SLC16A2: variants seen among roughly 807,000 people sequenced by gnomAD.
The protein encoded by SLC16A2 is monocarboxylate transporter 8.
A neutral mutation model predicts 27.2 loss-of-function variants in SLC16A2; 3 were observed. That is an observed-to-expected ratio of 0.11 (90% CI 0.05 to 0.28). SLC16A2 has a LOEUF of 0.28. SLC16A2 is among the 10% of genes least tolerant of loss of function. SLC16A2 has a pLI of 1.00. For missense variants in SLC16A2, 295 were observed against 458.5 expected, an observed-to-expected ratio of 0.64 and a Z score of 3.26; for synonymous variants, 202 against 187.8, an observed-to-expected ratio of 1.08 and a Z score of -0.62.
intron 1 of SLC16A2, among the ~76,000 whole-genome samples, chrX:74,446,277 C>G (rs1489610545): frequency 9.0e-6 from 1 of 111,479 alleles, no homozygotes; most frequent in Non-Finnish European, 1.9e-5. Context: ...ATTTCTCACA[C>G]ATTGGTCCTG....
intron 1 of SLC16A2, among the ~76,000 whole-genome samples, chrX:74,515,843 T>A (rs1930309978): frequency 8.9e-6 from 1 of 111,863 alleles, no homozygotes; most frequent in African/African-American, 3.3e-5. Flanking sequence ...AGGAAATCAA[T>A]ACATTCTCAA....
At chrX:74,423,175 G>A (rs1335685580) in intron 1 of SLC16A2, among the ~76,000 whole-genome samples, 2 of 112,292 alleles carry the variant, frequency 1.8e-5, no homozygotes, top group Non-Finnish European at 3.8e-5. Context: ...GACGAAGACG[G>A]GGGATTGGGA....
At chrX:74,509,993 G>T (rs1161109317) in intron 1 of SLC16A2, among the ~76,000 whole-genome samples, 3 of 112,335 alleles carry the variant, frequency 2.7e-5, no homozygotes, top group Non-Finnish European at 5.6e-5. Context: ...TGGTGTCAGG[G>T]TAATACTGGC....
At chrX:74,435,551 ATATT>A (rs1196204619) in intron 1 of SLC16A2, among the ~76,000 whole-genome samples, 9 of 71,054 alleles carry the variant, frequency 1.3e-4, no homozygotes, top group East Asian at 9.0e-4. Flanking sequence ...ATATATATAT[ATATT>A]TTTTTTTTTT....
chrX:74,501,804 T>C (rs1192212703), intron 1 of SLC16A2, among the ~76,000 whole-genome samples: 1 of 111,220 alleles, frequency 9.0e-6, no homozygotes, highest in Non-Finnish European at 1.9e-5. Context: ...GAGTCCTGTG[T>C]TCAAGCACTA....
chrX:74,510,418 G>T (rs1257696955), intron 1 of SLC16A2, among the ~76,000 whole-genome samples: 3 of 111,863 alleles, frequency 2.7e-5, no homozygotes, highest in Non-Finnish European at 5.6e-5. Flanking sequence ...CCTGTAATCT[G>T]CCTTAGCTAC....
At position 74,533,160 on chromosome X, in the gene SLC16A2, G is replaced by C. The variant is rs1489288390; in HGVS notation, c.*1607G>C. ...AACAGTAACTTGCCACCTTAAGGCA[G>C]GGTCATCCCCGGGCCAGGAGGATGA... On this transcript the variant is annotated 3_prime_UTR_variant, in exon 6 of 6. Transcript: ENST00000587091. 1 of 112,300 alleles carries C rather than the reference G, an allele frequency of 8.9e-6. No homozygotes were observed. The allele number at this position is 112,300 out of a possible 1,213,427, so 9.3% of individuals were successfully genotyped here.
Position 74,421,710 on chromosome X carries a change from C to T in SLC16A2, c.73C>T (p.Pro25Ser), listed in dbSNP as rs1329741971. ...GGAGGCAGACCAGGAACAGCAGGAGCCGGTGGGTAGCCCAGAGCCGGAGTC... is the reference window on the plus strand; with the variant it reads ...GGAGGCAGACCAGGAACAGCAGGAGTCGGTGGGTAGCCCAGAGCCGGAGTC... ...WQEADQEQQE[P>S]VGSPEPESEP... The change falls in exon 1 of 6, where the codon CCG (proline) becomes TCG (serine). Residue 25 changes from proline to serine, a missense_variant. Physicochemically the swap from Pro to Ser is moderately conservative, Grantham distance 74 (BLOSUM62 -1). Around this residue, in one of 3 missense-constraint regions of SLC16A2, gnomAD observed 92 missense variants for 85.1 expected, o/e 1.08. Coordinates refer to ENST00000587091, the MANE Select transcript of SLC16A2 (RefSeq NM_006517.5). The T allele has an allele frequency of 1.7e-6, 2 of 1,183,719 alleles. No homozygotes were observed. Among genetic ancestry groups the T allele is most frequent in the Non-Finnish European group, 2.3e-6 (2 of 883,485 alleles).
rs77857388 is a variant in SLC16A2 at position 74,461,407 on chromosome X, A to T, written c.430+39340A>T. Reference sequence around the variant, plus strand: ...AAAGGAGAGAAAGGGAGAGAGAGAGAGTGTGTGTGTGTGTGTGTGTGTGCA... The same window carrying T: ...AAAGGAGAGAAAGGGAGAGAGAGAGTGTGTGTGTGTGTGTGTGTGTGTGCA... On this transcript the variant is annotated intron_variant, in intron 1 of 5. Coordinates refer to ENST00000587091, the MANE Select transcript of SLC16A2 (RefSeq NM_006517.5). Among the ~76,000 whole-genome samples, 174 of 103,814 alleles carry T rather than the reference A, an allele frequency of 1.7e-3. 1 individual carries two copies. Among genetic ancestry groups the T allele is most frequent in the East Asian group, 9.8e-3 (31 of 3,157 alleles). The allele number at this position is 103,814 out of a possible 115,157, so 90.1% of individuals were successfully genotyped here.
rs1046023615 is a variant in SLC16A2, at chrX:74,482,671, A to G, written c.431-38319A>G. Among the ~76,000 whole-genome samples, 4 of 110,816 alleles carry G rather than the reference A, an allele frequency of 3.6e-5. No homozygotes were observed. In the South Asian group the frequency reaches 1.5e-3, roughly 42 times the overall value. ...GATCTCTTTATTGATTTTCTATTTG[A>G]TGGAAAGAATTTCTCACAAATTCTT... On this transcript the variant is annotated intron_variant, in intron 1 of 5. Coordinates refer to ENST00000587091, the MANE Select transcript of SLC16A2 (RefSeq NM_006517.5).
intron 4 of SLC16A2, among the ~76,000 whole-genome samples, chrX:74,527,278 T>C (rs774431848): frequency 1.8e-5 from 2 of 112,684 alleles, no homozygotes; most frequent in Non-Finnish European, 3.7e-5. Flanking sequence ...TAGAACATTA[T>C]AGCTGAAACA....
At chrX:74,447,093 A>G (rs1252864815) in intron 1 of SLC16A2, among the ~76,000 whole-genome samples, 1 of 112,329 alleles carries the variant, frequency 8.9e-6, no homozygotes, top group East Asian at 2.8e-4. Flanking sequence ...TGTTTGCAAC[A>G]GAGAATGCAT....
intron 1 of SLC16A2, among the ~76,000 whole-genome samples, chrX:74,492,106 A>C (rs1929838167): frequency 8.9e-6 from 1 of 111,992 alleles, no homozygotes; most frequent in African/African-American, 3.3e-5. Context: ...TAAAAAGGCT[A>C]AACACAAGGT....
intron 1 of SLC16A2, among the ~76,000 whole-genome samples, chrX:74,441,015 T>A (rs2147841781): frequency 9.1e-6 from 1 of 110,150 alleles, no homozygotes; most frequent in East Asian, 2.9e-4. Flanking sequence ...TCGCCCAGGC[T>A]GGAGTGCAGT....
chrX:74,510,583 CTGTT>C (rs1226670447), intron 1 of SLC16A2, among the ~76,000 whole-genome samples: 6 of 106,503 alleles, frequency 5.6e-5, no homozygotes, highest in South Asian at 4.1e-4. Flanking sequence ...GTAGGTCTCT[CTGTT>C]TGACTCTGTC....
At chrX:74,469,707 T>C (rs756571736) in intron 1 of SLC16A2, among the ~76,000 whole-genome samples, 1 of 111,078 alleles carries the variant, frequency 9.0e-6, no homozygotes, top group South Asian at 3.8e-4. Context: ...GTAGCAAAGT[T>C]GAGCAGAAAG....
Position 74,530,156 on chromosome X carries a change from A to G in SLC16A2, c.1399+715A>G, listed in dbSNP as rs1215271807. On this transcript the variant is annotated intron_variant, in intron 5 of 5. Coordinates refer to ENST00000587091, the MANE Select transcript of SLC16A2 (RefSeq NM_006517.5). ...CACCAGGCTGGAGTGCAGTGGTGCA[A>G]TCTTGGCTATCTCAGCTCATTGCAA... Among the ~76,000 whole-genome samples, 5 of 101,721 alleles carry G rather than the reference A, an allele frequency of 4.9e-5. 1 individual carries two copies. The highest frequency in any genetic ancestry group is 9.9e-5 in the Non-Finnish European group (5 of 50,610). 88.3% of individuals were successfully genotyped at this position (101,721 alleles called of 115,157 possible).
chrX:74,440,628 C>T (rs1928727016), intron 1 of SLC16A2, among the ~76,000 whole-genome samples: 1 of 103,013 alleles, frequency 9.7e-6, no homozygotes, highest in Non-Finnish European at 1.9e-5. Context: ...GAGAGAGAGT[C>T]AATTGTGGTG....
At chrX:74,495,290 C>G (rs1929913381) in intron 1 of SLC16A2, among the ~76,000 whole-genome samples, 1 of 111,044 alleles carries the variant, frequency 9.0e-6, no homozygotes, top group South Asian at 3.8e-4. Context: ...ATCAGCAATG[C>G]CAGAGTGACA....
Sources: gnomAD v4.1 joint callset for allele counts (sites outside exome capture counted in the v4.1 genomes callset) on GRCh38, gnomAD v4.1.1 for gene constraint, gnomAD v4.1.1 regional missense constraint, MANE v1.5 for transcripts, NCBI Gene and HGNC (gene_info 2026-07-23, HGNC 2026-07-21) for gene names.